Variants in GUSB observed in about 807,000 individuals in gnomAD.
GUSB encodes glucuronidase beta, also known as beta-glucuronidase.
Under a neutral mutation model 74.6 loss-of-function variants are expected in GUSB, and 51 were observed. That is an observed-to-expected ratio of 0.68 (90% CI 0.55 to 0.86). GUSB has a LOEUF of 0.86. Among genes scored for constraint, GUSB ranks in the 40% least tolerant of loss-of-function variants. The probability of loss-of-function intolerance (pLI) is 0.00; values close to 1 mark genes in which losing one functional copy is unlikely to be tolerated. For missense variants in GUSB, 736 were observed against 853.7 expected, an observed-to-expected ratio of 0.86 and a Z score of 1.72; for synonymous variants, 360 against 348.3, an observed-to-expected ratio of 1.03 and a Z score of -0.37.
At chr7:65,979,362 T>G in intron 4 of GUSB, 37 bp downstream of exon 4, 1 of 1,564,536 alleles carries the variant, frequency 6.4e-7, no homozygotes, top group Non-Finnish European at 8.7e-7. Context: ...AGAGCCACCC[T>G]GGGCCCCGCT....
chr7:65,966,309 A>G (rs2115858239), intron 10 of GUSB, among the ~76,000 whole-genome samples: 1 of 152,310 alleles, frequency 6.6e-6, no homozygotes, highest in South Asian at 2.1e-4. Context: ...GGGTGCAAAC[A>G]GAACAGCGCA....
intron 8 of GUSB, among the ~76,000 whole-genome samples, chr7:65,972,949 G>A (rs993624702): frequency 6.6e-6 from 1 of 152,186 alleles, no homozygotes; most frequent in African/African-American, 2.4e-5. Context: ...TGCTGTATGA[G>A]TCAAGAGGCA....
rs745843396 is a variant in GUSB at position 65,982,199 on chromosome 7, G to A, written c.-16C>T. 2.0e-6 allele frequency: 3 copies of A among 1,496,586 alleles called. No homozygotes were observed. Among genetic ancestry groups the A allele is most frequent in the Non-Finnish European group, 2.7e-6 (3 of 1,122,640 alleles). The allele number at this position is 1,496,586 out of a possible 1,614,324, so 92.7% of individuals were successfully genotyped here. A position where few individuals can be genotyped will look rare whatever the true frequency, so the allele number is the denominator to read the frequency against. ...CCCGGGCCATGCTTCCCGGTCCCCC[G>A]CTCGGCCACCGTCTGCGGCGCTAAG... On this transcript the variant is annotated 5_prime_UTR_variant, in exon 1 of 12. Transcript: ENST00000304895.
intron 10 of GUSB, among the ~76,000 whole-genome samples, chr7:65,965,773 C>A (rs1790793096): frequency 1.3e-5 from 2 of 152,160 alleles, no homozygotes; most frequent in African/African-American, 4.8e-5. Context: ...GATCCTCTGA[C>A]CTTGGCCTCC....
chr7:65,974,146 A>AT, intron 8 of GUSB, 149 bp downstream of exon 8: 1 of 726,662 alleles, frequency 1.4e-6, no homozygotes, highest in South Asian at 1.7e-5. Flanking sequence ...GGGTGGGTAG[A>AT]TATTTGGTCC....
chr7:65,978,440 T>A (rs1402995416), intron 4 of GUSB, among the ~76,000 whole-genome samples: 1 of 143,254 alleles, frequency 7.0e-6, no homozygotes, highest in Non-Finnish European at 1.5e-5. Context: ...AGAGCAAGAC[T>A]CCATCTCAAA....
chr7:65,975,753 A>C, intron 5 of GUSB: 1 of 380,166 alleles, frequency 2.6e-6, no homozygotes, highest in South Asian at 3.9e-5. Flanking sequence ...CAGGAGGCCA[A>C]GGCAGGAGGA....
At chr7:65,975,133 C>T (rs1052220065) in intron 5 of GUSB, 62 bp from the exon 6 acceptor site, 29 of 1,515,044 alleles carry the variant, frequency 1.9e-5, no homozygotes, top group Non-Finnish European at 2.7e-5. Context: ...CCGGCCTGCC[C>T]TCCAGCAGGA....
rs1384417894 is a variant in GUSB, at chr7:65,970,761, C to T, written c.1392-395G>A. Among the ~76,000 whole-genome samples, 6 of 152,130 alleles carry T rather than the reference C, an allele frequency of 3.9e-5. 1 individual carries two copies. The highest frequency in any genetic ancestry group is 3.4e-3 in the Middle Eastern group (1 of 294). On this transcript the variant is annotated intron_variant, in intron 8 of 11. Transcript: ENST00000304895. ...AAAATTAGCCGGGCGTGGTGGCCGG[C>T]GCCTATAGTCTGAGCTACTCAGGAG...
At chr7:65,971,518 A>T (rs1432525139) in intron 8 of GUSB, among the ~76,000 whole-genome samples, 1 of 152,042 alleles carries the variant, frequency 6.6e-6, no homozygotes, top group East Asian at 1.9e-4. Context: ...CATGAGGTCA[A>T]GAGTTTGAGA....
At chr7:65,976,305 G>T in intron 4 of GUSB, 103 bp from the exon 5 acceptor site, 1 of 782,590 alleles carries the variant, frequency 1.3e-6, no homozygotes, top group Admixed American at 2.3e-5. Flanking sequence ...ATTTGTTTCT[G>T]TTGCTTTTTT....
intron 2 of GUSB, 40 bp downstream of exon 2, chr7:65,980,184 T>TAG: frequency 1.4e-5 from 10 of 720,082 alleles, no homozygotes; most frequent in Non-Finnish European, 1.2e-5. Context: ...TCAGCAGCCG[T>TAG]GCCCCCCCAC....
intron 11 of GUSB, among the ~76,000 whole-genome samples, chr7:65,961,395 A>G (rs539426890): frequency 1.3e-5 from 2 of 152,106 alleles, no homozygotes; most frequent in Non-Finnish European, 2.9e-5. Flanking sequence ...TAGCCTCCCT[A>G]AAGTGCTGGG....
At chr7:65,978,528 C>G (rs1199829143) in intron 4 of GUSB, among the ~76,000 whole-genome samples, 2 of 151,968 alleles carry the variant, frequency 1.3e-5, no homozygotes, top group Non-Finnish European at 1.5e-5. Flanking sequence ...TGCATTTTGG[C>G]AGGCCGAGGA....
rs751845855 is a variant in GUSB, at chr7:65,980,390, A to C, written c.230T>G (p.Met77Arg). The C allele has an allele frequency of 1.2e-6, 2 of 1,613,586 alleles. No individual in the cohort carries two copies. Among genetic ancestry groups the C allele is most frequent in the Non-Finnish European group, 1.7e-6 (2 of 1,179,776 alleles). Residue 77 changes from methionine (M) to arginine (R), a missense_variant, in exon 2 of 12, where the codon ATG becomes AGG. Physicochemically the swap from Met to Arg is moderately conservative, Grantham distance 91. Transcript: ENST00000304895. ...PLWESGPTVD[M>R]PVPSSFNDIS... is the part of the protein sequence containing the mutation. ...GTCATTGAAGCTGGAGGGAACTGGC[A>C]TGTCCACGGTGGGGCCTGACTGTGG...
At chr7:65,970,483 G>C (rs1446202294) in intron 8 of GUSB, 117 bp from the exon 9 acceptor site, 2 of 698,552 alleles carry the variant, frequency 2.9e-6, no homozygotes, top group Admixed American at 2.0e-5. Context: ...CAGGCACGAT[G>C]GTTCACACCT....
Position 65,963,008 on chromosome 7 carries a change from G to A in GUSB, c.1789+1315C>T, listed in dbSNP as rs187386658. On this transcript the variant is annotated intron_variant, in intron 11 of 11. Transcript: ENST00000304895. ...CAAGTGGCTGGCATTACAGGCATGC[G>A]CTACCACACCCGGCTAATTTTGTAT... is the stretch of plus-strand genomic sequence containing the variant. Among the ~76,000 whole-genome samples, 328 of 151,904 alleles carry A rather than the reference G, an allele frequency of 2.2e-3. 1 individual carries two copies. Among genetic ancestry groups the A allele is most frequent in the African/African-American group, 7.5e-3 (313 of 41,464 alleles).
At chr7:65,981,810 G>A (rs958871552) in intron 1 of GUSB, 164 bp downstream of exon 1, 10 of 619,976 alleles carry the variant, frequency 1.6e-5, no homozygotes, top group Non-Finnish European at 2.8e-5. Context: ...GGGTGCTCCT[G>A]TTCCCCCGTC....
intron 5 of GUSB, chr7:65,975,397 T>G: frequency 2.7e-6 from 1 of 375,422 alleles, no homozygotes; most frequent in South Asian, 2.1e-5. Flanking sequence ...AAAAAATGTT[T>G]TTCTTCTGAG....
Sources: allele counts gnomAD v4.1 joint callset (sites outside exome capture counted in the v4.1 genomes callset), GRCh38; gene constraint gnomAD v4.1.1; transcripts MANE v1.5; gene names NCBI Gene and HGNC (gene_info 2026-07-23, HGNC 2026-07-21).